The following WWOX variants were observed in gnomAD, a reference collection of about 807,000 sequenced individuals.
WWOX encodes the protein WW domain containing oxidoreductase, also known as WW domain-containing oxidoreductase.
WWOX carries 69 observed loss-of-function variants against 46.2 expected under a neutral mutation model. That is an observed-to-expected ratio of 1.49 (90% CI 1.23 to 1.82). WWOX has a LOEUF of 1.82. WWOX is among the 40% of genes most tolerant of loss of function. The pLI, the probability that WWOX is intolerant of heterozygous loss-of-function variation, is 0.00. For missense variants in WWOX, 919 were observed against 542.6 expected, an observed-to-expected ratio of 1.69 and a Z score of -6.89; for synonymous variants, 359 against 202.6, an observed-to-expected ratio of 1.77 and a Z score of -6.56.
At chr16:79,025,165 G>A (rs57588884) in intron 8 of WWOX, among the ~76,000 whole-genome samples, 2,262 of 152,138 alleles carry the variant, frequency 0.015, 39 homozygotes, top group African/African-American at 0.042. Context: ...AAGGGAATGC[G>A]GTTCCCCTGT....
chr16:78,258,951 G>C (rs944842232), intron 5 of WWOX, among the ~76,000 whole-genome samples: 1 of 152,160 alleles, frequency 6.6e-6, no homozygotes, highest in Non-Finnish European at 1.5e-5. Context: ...CCTGCAAACA[G>C]TGTTACTAGT....
rs188516928 is a variant in WWOX at position 78,993,584 on chromosome 16, G to C, written c.1057-218024G>C. Among the ~76,000 whole-genome samples the C allele has an allele frequency of 3.8e-3, 586 of 152,320 alleles. 3 individuals are homozygous for C. The highest frequency in any genetic ancestry group is 5.8e-3 in the Non-Finnish European group (395 of 68,032). On this transcript the variant is annotated intron_variant, in intron 8 of 8. Coordinates refer to ENST00000566780, the MANE Select transcript of WWOX (RefSeq NM_016373.4). ...GCCTGGGTGTACGGAGCCCGGAACA[G>C]GGATGGGGACAGGACCTTGCGCTGT...
chr16:78,776,988 C>G (rs2050207328), intron 8 of WWOX, among the ~76,000 whole-genome samples: 1 of 152,134 alleles, frequency 6.6e-6, no homozygotes, highest in South Asian at 2.1e-4. Context: ...CCAAACCATA[C>G]CACTCATGGC....
Position 78,515,624 on chromosome 16 carries a change from G to A in WWOX, c.1056+82872G>A, listed in dbSNP as rs187238796. Among the ~76,000 whole-genome samples the A allele has an allele frequency of 5.2e-3, 794 of 152,296 alleles. 3 individuals carry two copies. Among genetic ancestry groups the A allele is most frequent in the Non-Finnish European group, 8.0e-3 (541 of 68,022 alleles). On this transcript the variant is annotated intron_variant, in intron 8 of 8. Coordinates refer to ENST00000566780, the MANE Select transcript of WWOX (RefSeq NM_016373.4). Reference sequence around the variant, plus strand: ...GTGCAGAGCCAGGCCGGATGCCTAGGTGAGATGGAAAGCTTCCGTCAGCTT... The same window carrying A: ...GTGCAGAGCCAGGCCGGATGCCTAGATGAGATGGAAAGCTTCCGTCAGCTT...
At chr16:78,936,491 G>C (rs368307880) in intron 8 of WWOX, among the ~76,000 whole-genome samples, 1 of 152,158 alleles carries the variant, frequency 6.6e-6, no homozygotes, top group Non-Finnish European at 1.5e-5. Context: ...GTGCTTGCTA[G>C]CAAGCAGCTG....
At chr16:79,156,360 C>T (rs1297259207) in intron 8 of WWOX, among the ~76,000 whole-genome samples, 2 of 152,192 alleles carry the variant, frequency 1.3e-5, no homozygotes, top group African/African-American at 2.4e-5. Flanking sequence ...GGGGTTTTGC[C>T]ATGCTGCTCA....
chr16:78,951,565 C>T (rs1474567119), intron 8 of WWOX, among the ~76,000 whole-genome samples: 3 of 152,272 alleles, frequency 2.0e-5, no homozygotes, highest in East Asian at 3.9e-4. Flanking sequence ...ATTAAAAAGA[C>T]AAAAACAACA....
chr16:78,493,854 A>G (rs569450338), intron 8 of WWOX, among the ~76,000 whole-genome samples: 6 of 152,336 alleles, frequency 3.9e-5, no homozygotes, highest in Admixed American at 2.6e-4. Flanking sequence ...ATGTCTGATC[A>G]TCGTCAATTT....
chr16:78,261,493 A>G (rs1314133488), intron 5 of WWOX, among the ~76,000 whole-genome samples: 1 of 150,818 alleles, frequency 6.6e-6, no homozygotes, highest in African/African-American at 2.4e-5. Context: ...AAAGCCACTC[A>G]AATTCCATTT....
chr16:78,671,703 G>C (rs924167152), intron 8 of WWOX, among the ~76,000 whole-genome samples: 1 of 152,170 alleles, frequency 6.6e-6, no homozygotes, highest in African/African-American at 2.4e-5. Context: ...CTGATTCAGA[G>C]TAAGTGACCA....
At chr16:79,062,426 G>T (rs544388593) in intron 8 of WWOX, among the ~76,000 whole-genome samples, 2 of 151,934 alleles carry the variant, frequency 1.3e-5, no homozygotes, top group African/African-American at 4.8e-5. Context: ...GTTTGCCAGG[G>T]AACCAAGGCC....
chr16:78,508,310 C>CTTTTTTTTTTTTTTTTTTTTTT (rs60281450), intron 8 of WWOX, among the ~76,000 whole-genome samples: 5 of 112,770 alleles, frequency 4.4e-5, no homozygotes, highest in South Asian at 6.5e-4. Context: ...TGCGCCCGGC[C>CTTTTTTTTTTTTTTTTTTTTTT]TTTTTTTTTT....
chr16:78,402,993 A>G (rs1188006862), intron 6 of WWOX, among the ~76,000 whole-genome samples: 1 of 152,184 alleles, frequency 6.6e-6, no homozygotes, highest in African/African-American at 2.4e-5. Context: ...ATGTCAGAGT[A>G]CATTAATTTT....
At chr16:78,877,486 T>C (rs1299419532) in intron 8 of WWOX, among the ~76,000 whole-genome samples, 1 of 152,350 alleles carries the variant, frequency 6.6e-6, no homozygotes, top group East Asian at 1.9e-4. Flanking sequence ...ACTTTCTCAG[T>C]GAAGCTGTTT....
intron 8 of WWOX, among the ~76,000 whole-genome samples, chr16:78,464,761 T>A (rs2084034084): frequency 1.3e-5 from 2 of 152,298 alleles, no homozygotes; most frequent in Admixed American, 1.3e-4. Context: ...GTCTCCTTTT[T>A]GGAGAAATGG....
intron 8 of WWOX, among the ~76,000 whole-genome samples, chr16:78,787,504 T>A (rs1392611962): frequency 6.6e-6 from 1 of 152,228 alleles, no homozygotes; most frequent in African/African-American, 2.4e-5. Flanking sequence ...TACTTCATTC[T>A]TTTTATGGTT....
intron 8 of WWOX, among the ~76,000 whole-genome samples, chr16:78,626,900 G>C (rs934830493): frequency 1.3e-5 from 2 of 152,076 alleles, no homozygotes; most frequent in East Asian, 1.9e-4. Context: ...AATTTTTCCA[G>C]ATGGAACAAT....
chr16:78,278,154 A>T (rs948764040), intron 5 of WWOX, among the ~76,000 whole-genome samples: 7 of 152,156 alleles, frequency 4.6e-5, no homozygotes, highest in African/African-American at 1.7e-4. Context: ...TGCCATTTAT[A>T]TTGGAAAGGC....
intron 8 of WWOX, among the ~76,000 whole-genome samples, chr16:78,941,275 C>T (rs1338666345): frequency 6.6e-6 from 1 of 152,078 alleles, no homozygotes; most frequent in African/African-American, 2.4e-5. Flanking sequence ...TGGGCCCGTG[C>T]TATAATTAAT....
Sources: gnomAD v4.1 joint callset for allele counts (sites outside exome capture counted in the v4.1 genomes callset) on GRCh38, gnomAD v4.1.1 for gene constraint, MANE v1.5 for transcripts, NCBI Gene and HGNC (gene_info 2026-07-23, HGNC 2026-07-21) for gene names.